PPFIA4: variants seen among roughly 807,000 people sequenced by gnomAD.
PPFIA4 encodes PPFI scaffold protein A4.
A neutral mutation model predicts 145.7 loss-of-function variants in PPFIA4; 98 were observed. The ratio of observed to expected loss-of-function variants is 0.67; its 90% CI spans 0.57 to 0.80. The LOEUF (loss-of-function observed/expected upper bound fraction) is 0.80, where lower values mean the gene tolerates loss of function less well. Among genes scored for constraint, PPFIA4 ranks in the 30% least tolerant of loss-of-function variants. PPFIA4 has a pLI of 0.00. For missense variants in PPFIA4, 1,457 were observed against 1,632.7 expected, an observed-to-expected ratio of 0.89 and a Z score of 1.85; for synonymous variants, 628 against 649.6, an observed-to-expected ratio of 0.97 and a Z score of 0.51.
rs1325426755 is a variant in PPFIA4, at chr1:203,055,171, T to C, written c.1830-261T>C. The stretch of plus-strand genomic sequence containing the variant: ...CAAGGCCACCCTATAGTTAGGGGTA[T>C]GTCAAGAATTCTGATTTTCAGGATG... On this transcript the variant is annotated intron_variant, in intron 15 of 29. Coordinates refer to ENST00000295706, the MANE Select transcript of PPFIA4 (RefSeq NM_001304331.2). This position sits in a 1 kb window ranked among gnomAD's most constrained non-coding sequence, Gnocchi z 4.8. 6.6e-6 allele frequency among the ~76,000 whole-genome samples: 1 copy of C among 152,242 alleles called. No individual in the cohort carries two copies. Among genetic ancestry groups the C allele is most frequent in the Non-Finnish European group, 1.5e-5 (1 of 68,042 alleles).
At chr1:203,039,306 T>C in intron 2 of PPFIA4, 64 bp downstream of exon 2, 8 of 1,257,956 alleles carry the variant, frequency 6.4e-6, no homozygotes, top group Non-Finnish European at 7.6e-6. Context: ...CTAGATCCAC[T>C]GGGCCCTCAG....
rs1659844697 is a variant in PPFIA4, at chr1:203,043,506, G to A, written c.336+8G>A. The A allele has an allele frequency of 6.2e-7, 1 of 1,603,264 alleles. No individual in the cohort carries two copies. The highest frequency in any genetic ancestry group is 1.3e-5 in the African/African-American group (1 of 74,720). On this transcript the variant is annotated splice_region_variant and intron_variant, in intron 3 of 29. Coordinates refer to ENST00000295706, the MANE Select transcript of PPFIA4 (RefSeq NM_001304331.2). This position sits in a 1 kb window ranked among gnomAD's most constrained non-coding sequence, Gnocchi z 4.4. ...GAACGGAATAACACACGGGTAAGTG[G>A]GGATGACCTTGTGTCGCGCGCGCGC...
chr1:203,047,547 G>A (rs1220830601), intron 9 of PPFIA4, among the ~76,000 whole-genome samples: 1 of 152,138 alleles, frequency 6.6e-6, no homozygotes, highest in African/African-American at 2.4e-5. Context: ...AGAATATCTT[G>A]CCAGCAGAGA....
At chr1:203,051,270 G>A (rs1660483343) in intron 13 of PPFIA4, 3 of 985,648 alleles carry the variant, frequency 3.0e-6, no homozygotes, top group Non-Finnish European at 3.6e-6. Context: ...TTTTAACCAG[G>A]GACTCAGTCC....
At chr1:203,057,073 G>A in intron 19 of PPFIA4, 123 bp downstream of exon 19, 1 of 1,526,666 alleles carries the variant, frequency 6.6e-7, no homozygotes, top group Non-Finnish European at 8.8e-7. Context: ...CCCCAGGCAG[G>A]TTACCTCAGA....
chr1:203,038,984 T>G lies in PPFIA4; in HGVS notation c.-25T>G. Reference sequence around the variant, plus strand: ...TGAGTCCCTCCCTGTCCCCTGACGCTGAGAAGGCCCTGCCAACCCCCACCA... The same window carrying G: ...TGAGTCCCTCCCTGTCCCCTGACGCGGAGAAGGCCCTGCCAACCCCCACCA... On this transcript the variant is annotated 5_prime_UTR_variant, in exon 2 of 30. Coordinates refer to ENST00000295706, the MANE Select transcript of PPFIA4 (RefSeq NM_001304331.2). 3 of 1,320,472 alleles carry G rather than the reference T, an allele frequency of 2.3e-6. No individual in the cohort carries two copies. Among genetic ancestry groups the G allele is most frequent in the Non-Finnish European group, 3.1e-6 (3 of 960,136 alleles). The allele number at this position is 1,320,472 out of a possible 1,614,324, so 81.8% of individuals were successfully genotyped here.
At chr1:203,069,705 G>A (rs532714010) in intron 27 of PPFIA4, among the ~76,000 whole-genome samples, 36 of 152,168 alleles carry the variant, frequency 2.4e-4, no homozygotes, top group Middle Eastern at 3.4e-3. Flanking sequence ...GGCCTTTTGG[G>A]GGTGGTGGCA....
Position 203,060,838 on chromosome 1 carries a change from C to T in PPFIA4, c.2785-132C>T, listed in dbSNP as rs1661309597. 1.3e-6 allele frequency: 1 copy of T among 786,878 alleles called. No homozygotes were observed. Among genetic ancestry groups the T allele is most frequent in the Admixed American group, 2.2e-5 (1 of 45,490 alleles). The allele number at this position is 786,878 out of a possible 1,614,324, so 48.7% of individuals were successfully genotyped here. ...TGGAGTCTTTCATTGTCGGCCATCTCCATGATTGAGACCAGCCCCCATTTC... is the reference window on the plus strand; with the variant it reads ...TGGAGTCTTTCATTGTCGGCCATCTTCATGATTGAGACCAGCCCCCATTTC... On this transcript the variant is annotated intron_variant, in intron 22 of 29. Transcript: ENST00000295706. This position sits in a 1 kb window ranked among gnomAD's most constrained non-coding sequence, Gnocchi z 4.8.
rs1419763643 is a variant in PPFIA4, at chr1:203,045,676, TG to T, written c.858+123del. The T allele has an allele frequency of 6.9e-6, 10 of 1,447,002 alleles. No individual in the cohort carries two copies. In the South Asian group the frequency reaches 8.3e-5, roughly 12 times the overall value. 89.6% of individuals were successfully genotyped at this position (1,447,002 alleles called of 1,614,324 possible). On this transcript the variant is annotated intron_variant, in intron 7 of 29. Coordinates refer to ENST00000295706, the MANE Select transcript of PPFIA4 (RefSeq NM_001304331.2). ...CTGCCTCCTTGCCTGGCTCCATTGT[TG>T]GGGGGCGGTCATGGAAGGGGTGGGC...
chr1:203,045,719 CAGG>C, intron 7 of PPFIA4, 119 bp from the exon 8 acceptor site: 1 of 1,496,208 alleles, frequency 6.7e-7, no homozygotes, highest in Non-Finnish European at 9.0e-7. Context: ...CAGAAACTGA[CAGG>C]AGAGTGTAGC....
Position 203,068,484 on chromosome 1 carries a change from T to A in PPFIA4, c.3180T>A (p.Val1060=). The A allele has an allele frequency of 6.2e-7, 1 of 1,608,124 alleles. No individual in the cohort carries two copies. The highest frequency in any genetic ancestry group is 8.5e-7 in the Non-Finnish European group (1 of 1,177,406). ...TAGTCTGGACCAACGACCAGGTGGTTCATTGGGTCCAGTCTATTGGGCTCC... is the reference window on the plus strand; with the variant it reads ...TAGTCTGGACCAACGACCAGGTGGTACATTGGGTCCAGTCTATTGGGCTCC... ...DVLVWTNDQV[V]HWVQSIGLRD... is the part of the protein sequence containing the mutation. The change falls in exon 27 of 30, where the codon GTT becomes GTA. Residue 1060 remains valine, a synonymous_variant. Transcript: ENST00000295706. This position sits in a 1 kb window ranked among gnomAD's most constrained non-coding sequence, Gnocchi z 4.7.
intron 2 of PPFIA4, among the ~76,000 whole-genome samples, chr1:203,040,085 G>A (rs550719453): frequency 1.3e-5 from 2 of 152,356 alleles, no homozygotes; most frequent in South Asian, 2.1e-4. Flanking sequence ...GCAGGAGGGA[G>A]CAGGAGCCTG....
rs1661857186 is a variant in PPFIA4 at position 203,068,050 on chromosome 1, G to A, written c.3148+258G>A. On this transcript the variant is annotated intron_variant, in intron 26 of 29. Transcript: ENST00000295706. This position sits in a 1 kb window ranked among gnomAD's most constrained non-coding sequence, Gnocchi z 4.7. The stretch of plus-strand genomic sequence containing the variant: ...CAAATGCAGTGAATCCTCTGGGACG[G>A]TGTTATAGACTGGTGTGCCTGTGGA... Among the ~76,000 whole-genome samples the A allele has an allele frequency of 6.6e-6, 1 of 152,206 alleles. No homozygotes were observed. Among genetic ancestry groups the A allele is most frequent in the Non-Finnish European group, 1.5e-5 (1 of 68,040 alleles).
intron 25 of PPFIA4, among the ~76,000 whole-genome samples, chr1:203,064,557 G>C (rs1210070748): frequency 6.6e-6 from 1 of 152,206 alleles, no homozygotes; most frequent in African/African-American, 2.4e-5. Flanking sequence ...CTGCGGCGCA[G>C]GTCCCAAACT....
At chr1:203,031,434 T>A (rs1658819826) in intron 1 of PPFIA4, among the ~76,000 whole-genome samples, 1 of 147,508 alleles carries the variant, frequency 6.8e-6, no homozygotes, top group Non-Finnish European at 1.5e-5. Flanking sequence ...ACACACACAC[T>A]CTGTTGCATG....
chr1:203,034,378 G>A, intron 1 of PPFIA4: 1 of 448,580 alleles, frequency 2.2e-6, no homozygotes, highest in South Asian at 1.6e-5. Flanking sequence ...GGAGAGGATG[G>A]GTGAGGGCCA....
Position 203,045,428 on chromosome 1 carries a change from A to C in PPFIA4, c.727A>C (p.Ser243Arg), listed in dbSNP as rs1338198109. ...CCTGGAGAAGCAGAACTTTGAGTTG[A>C]GCCAGGCCCGGGAGCGACTGGTCAC... is the stretch of plus-strand genomic sequence containing the variant. ...ELLEKQNFEL[S>R]QARERLVTLT... Residue 243 changes from serine to arginine, a missense_variant, in exon 7 of 30, where the codon AGC becomes CGC. Physicochemically the swap from Ser to Arg is moderately radical, Grantham distance 110 (BLOSUM62 -1). Around this residue, in one of 3 missense-constraint regions of PPFIA4, gnomAD observed 463 missense variants for 459.8 expected, o/e 1.01. Transcript: ENST00000295706. The C allele has an allele frequency of 6.2e-7, 1 of 1,609,530 alleles. No individual in the cohort carries two copies. Among genetic ancestry groups the C allele is most frequent in the East Asian group, 2.2e-5 (1 of 44,740 alleles).
intron 18 of PPFIA4, 26 bp from the exon 19 acceptor site, chr1:203,056,758 G>A (rs368375485): frequency 9.1e-6 from 14 of 1,539,396 alleles, no homozygotes; most frequent in East Asian, 4.6e-5. Flanking sequence ...TTCTTATTCC[G>A]CCCCCTTCTG....
In PPFIA4 at chr1:203,048,909, C is replaced by G. The variant is rs990722347; in HGVS notation, c.1357-9C>G. 6.5e-6 allele frequency: 10 copies of G among 1,548,138 alleles called. No individual in the cohort carries two copies. Among genetic ancestry groups the G allele is most frequent in the Middle Eastern group, 2.2e-4 (1 of 4,460 alleles). On this transcript the variant is annotated splice_polypyrimidine_tract_variant and intron_variant, in intron 11 of 29. Coordinates refer to ENST00000295706, the MANE Select transcript of PPFIA4 (RefSeq NM_001304331.2). The surrounding 1 kb of genome is among the most constrained non-coding windows in gnomAD (Gnocchi z 5.8). ...GGCAGGGGCCTGGCTCACAGCTGCT[C>G]TCCCCCAGAACACGTTGATCCAGGA...
Sources: gnomAD v4.1 joint callset for allele counts (sites outside exome capture counted in the v4.1 genomes callset) on GRCh38, gnomAD v4.1.1 for gene constraint, gnomAD v4.1.1 regional missense constraint, Gnocchi (gnomAD v3.1) non-coding constraint, MANE v1.5 for transcripts, NCBI Gene and HGNC (gene_info 2026-07-23, HGNC 2026-07-21) for gene names.